GPC2: variants seen among roughly 807,000 people sequenced by gnomAD.
GPC2 encodes the protein glypican-2.
Under a neutral mutation model 57.3 loss-of-function variants are expected in GPC2, and 42 were observed. That is an observed-to-expected ratio of 0.73 (90% CI 0.57 to 0.95). The LOEUF is 0.95. GPC2 is among the 40% of genes least tolerant of loss of function. The pLI is 0.00. For missense variants in GPC2, 745 were observed against 793.6 expected (o/e 0.94, Z 0.74); for synonymous variants, 364 against 343.4 (o/e 1.06, Z -0.66).
chr7:100,174,551 AG>A (rs1183579537), intron 4 of GPC2, 133 bp downstream of exon 4: 1 of 723,958 alleles, frequency 1.4e-6, no homozygotes, highest in East Asian at 2.7e-5. Context: ...AATTCATCCT[AG>A]GACACCAGGG....
chr7:100,176,949 G>T (rs1436169191), intron 1 of GPC2, 85 bp downstream of exon 1: 6 of 1,017,694 alleles, frequency 5.9e-6, no homozygotes, highest in Non-Finnish European at 8.4e-6. Context: ...CGGTCACTCT[G>T]AAAAGGAAGA....
intron 4 of GPC2, 112 bp downstream of exon 4, chr7:100,174,573 G>T: frequency 1.3e-6 from 1 of 793,260 alleles, no homozygotes; most frequent in South Asian, 1.4e-5. Context: ...CCTGGAGGCA[G>T]ACAGAGCCCA....
Position 100,170,063 on chromosome 7 carries a change from A to C in GPC2, c.*167T>G. ...GAAAAAATAAATATTGTGAACACCCACCCACCTCTGATGAAAATCTCCTGG... is the reference window on the plus strand; with the variant it reads ...GAAAAAATAAATATTGTGAACACCCCCCCACCTCTGATGAAAATCTCCTGG... On this transcript the variant is annotated 3_prime_UTR_variant, in exon 10 of 10. Coordinates refer to ENST00000292377, the MANE Select transcript of GPC2 (RefSeq NM_152742.3). 1.8e-6 allele frequency: 1 copy of C among 565,146 alleles called. No individual in the cohort carries two copies. Among genetic ancestry groups the C allele is most frequent in the Non-Finnish European group, 3.0e-6 (1 of 331,468 alleles). 35.0% of individuals were successfully genotyped at this position (565,146 alleles called of 1,614,324 possible). A position where few individuals can be genotyped will look rare whatever the true frequency, so the allele number is the denominator to read the frequency against.
chr7:100,171,710 G>C lies in GPC2; in HGVS notation c.1171-32C>G. 6.8e-7 allele frequency: 1 copy of C among 1,478,738 alleles called. No homozygotes were observed. The highest frequency in any genetic ancestry group is 2.7e-5 in the East Asian group (1 of 36,896). 91.6% of individuals were successfully genotyped at this position (1,478,738 alleles called of 1,614,324 possible). ...GGGCGAGAGGGGGCGGGGCGAGCTG[G>C]AGCGCGACCCCCACAACCATCCCCG... On this transcript the variant is annotated intron_variant, in intron 7 of 9. Transcript: ENST00000292377. This position sits in a 1 kb window ranked among gnomAD's most constrained non-coding sequence, Gnocchi z 4.8.
In GPC2 at chr7:100,171,523, C is replaced by T. The variant is rs1799176846; in HGVS notation, c.1310+16G>A. On this transcript the variant is annotated intron_variant, in intron 8 of 9. Transcript: ENST00000292377. This position sits in a 1 kb window ranked among gnomAD's most constrained non-coding sequence, Gnocchi z 4.8. The stretch of plus-strand genomic sequence containing the variant: ...GGTCCCGCCCCCTGCTGCCCCCCGA[C>T]GCCCCCGAGGCTCACCGGCCCCGCC... The T allele has an allele frequency of 7.3e-7, 1 of 1,366,294 alleles. No individual in the cohort carries two copies. The highest frequency in any genetic ancestry group is 9.4e-7 in the Non-Finnish European group (1 of 1,067,618). The allele number at this position is 1,366,294 out of a possible 1,614,324, so 84.6% of individuals were successfully genotyped here. A position where few individuals can be genotyped will look rare whatever the true frequency, so the allele number is the denominator to read the frequency against.
At chr7:100,176,156 T>C in intron 2 of GPC2, 51 bp downstream of exon 2, 1 of 1,522,978 alleles carries the variant, frequency 6.6e-7, no homozygotes, top group Non-Finnish European at 8.9e-7. Context: ...GCTGGGGTCC[T>C]AAGCACCGAG....
At position 100,177,099 on chromosome 7, in the gene GPC2, T is replaced by G; in HGVS notation, c.101A>C (p.Glu34Ala). The change falls in exon 1 of 10, where the codon GAG becomes GCG. Residue 34 changes from glutamate to alanine, a missense_variant. Around this residue, in one of 2 missense-constraint regions of GPC2, gnomAD observed 138 missense variants for 189.8 expected, o/e 0.73. Coordinates refer to ENST00000292377, the MANE Select transcript of GPC2 (RefSeq NM_152742.3). ...SEAKVTRSCA[E>A]TRQVLGARGY... is the part of the protein sequence containing the mutation. ...CCGGGCCCCCAGCACCTGCCGGGTC[T>G]CTGCACAACTCCGGGTGACCTTTGC... 4 of 1,611,776 alleles carry G rather than the reference T, an allele frequency of 2.5e-6. No individual in the cohort carries two copies. Among genetic ancestry groups the G allele is most frequent in the Non-Finnish European group, 3.4e-6 (4 of 1,179,076 alleles).
At chr7:100,173,773 A>G in intron 5 of GPC2, 62 bp downstream of exon 5, 1 of 1,342,674 alleles carries the variant, frequency 7.4e-7, no homozygotes, top group Non-Finnish European at 9.9e-7. Context: ...AGCCTCTCAA[A>G]GTGCTGTGAT....
intron 1 of GPC2, among the ~76,000 whole-genome samples, chr7:100,176,832 G>A (rs577690785): frequency 1.3e-5 from 2 of 152,274 alleles, no homozygotes; most frequent in East Asian, 3.9e-4. Flanking sequence ...CCTGGGGTGG[G>A]GATGGAGTAA....
intron 6 of GPC2, 52 bp downstream of exon 6, chr7:100,172,035 A>AC: frequency 6.3e-7 from 1 of 1,585,096 alleles, no homozygotes; most frequent in Non-Finnish European, 8.6e-7. Flanking sequence ...CCTCTCTGAC[A>AC]CCCACACCGT....
chr7:100,174,496 T>C, intron 4 of GPC2, 189 bp downstream of exon 4: 1 of 681,156 alleles, frequency 1.5e-6, no homozygotes, highest in South Asian at 1.5e-5. Context: ...TCAGAGATCA[T>C]GGATCGTGGA....
chr7:100,170,306 C>T lies in GPC2; in HGVS notation c.1664G>A (p.Gly555Glu), dbSNP rs1048208880. 8 of 1,608,448 alleles carry T rather than the reference C, an allele frequency of 5.0e-6. No homozygotes were observed. The African/African-American group carries it at 6.7e-5, about 13-fold the overall frequency. ...RYNQGRSRSG[G>E]ASIGFHTQTI... is the part of the protein sequence containing the mutation. ...TTGGGTGTGAAAACCAATAGATGCC[C>T]CCCCACTCCTGCTCCGGCCCTGGTT... Residue 555 changes from glycine (G) to glutamate (E), a missense_variant, in exon 10 of 10, where the codon GGG becomes GAG. Physicochemically the swap from Gly to Glu is moderately conservative, Grantham distance 98. This residue lies in a region of GPC2 where 607 missense variants were observed against 603.9 expected (regional missense o/e 1.01). Transcript: ENST00000292377.
chr7:100,173,848 C>T lies in GPC2; in HGVS notation c.879G>A (p.Trp293Ter). Residue 293 changes from tryptophan to a stop codon, truncating the protein, a stop_gained, in exon 5 of 10, where the codon TGG becomes TGA. Transcript: ENST00000292377. LOFTEE classifies it high-confidence loss of function. ...CLSSRGLEPDWGNYLDGLLIL... is the reference protein window; with the variant it reads ...CLSSRGLEPD ...GAATCCCCTCACCCAGATAGTTGCC[C>T]CAGTCAGGCTCCAGTCCCCTGCTGC... is the stretch of plus-strand genomic sequence containing the variant. 1 of 1,569,064 alleles carries T rather than the reference C, an allele frequency of 6.4e-7. No homozygotes were observed. The highest frequency in any genetic ancestry group is 8.6e-7 in the Non-Finnish European group (1 of 1,158,146).
In GPC2 at chr7:100,171,431, A is replaced by G; in HGVS notation, c.1316T>C (p.Leu439Ser). The G allele has an allele frequency of 6.9e-7, 1 of 1,453,374 alleles. No individual in the cohort carries two copies. Among genetic ancestry groups the G allele is most frequent in the African/African-American group, 1.5e-5 (1 of 67,392 alleles). The allele number at this position is 1,453,374 out of a possible 1,614,324, so 90.0% of individuals were successfully genotyped here. A position where few individuals can be genotyped will look rare whatever the true frequency, so the allele number is the denominator to read the frequency against. The change falls in exon 9 of 10, where the codon TTG becomes TCG. Residue 439 changes from leucine to serine, a missense_variant. Leu to Ser is a moderately radical substitution (Grantham distance 145). Transcript: ENST00000292377. This position sits in a 1 kb window ranked among gnomAD's most constrained non-coding sequence, Gnocchi z 4.8. ...CWTGAGRGRY[L>S]PPVVGGSPAE... ...CGGGGAGCCCCCGACCACTGGCGGC[A>G]AGTACCTGCGAGCAGAGCAGCCCCG...
At chr7:100,172,257 G>C (rs1022751879) in intron 5 of GPC2, 40 bp from the exon 6 acceptor site, 11 of 1,605,820 alleles carry the variant, frequency 6.9e-6, no homozygotes, top group South Asian at 4.4e-5. Context: ...GGGATGAGTG[G>C]TGATACTGAA....
intron 3 of GPC2, among the ~76,000 whole-genome samples, chr7:100,175,016 T>C (rs1799243000): frequency 6.6e-6 from 1 of 151,960 alleles, no homozygotes; most frequent in African/African-American, 2.4e-5. Context: ...GAGAGAGAAA[T>C]TGTGTATCGG....
At chr7:100,172,046 C>T (rs762438829) in intron 6 of GPC2, 41 bp downstream of exon 6, 14 of 1,611,056 alleles carry the variant, frequency 8.7e-6, no homozygotes, top group African/African-American at 2.7e-5. Context: ...CCCACACCGT[C>T]CCCGCCCCGG....
Position 100,170,290 on chromosome 7 carries a change from A to T in GPC2, c.1680T>A (p.Phe560Leu). Residue 560 changes from phenylalanine to leucine, a missense_variant, in exon 10 of 10, where the codon TTT becomes TTA. Coordinates refer to ENST00000292377, the MANE Select transcript of GPC2 (RefSeq NM_152742.3). The part of the protein sequence containing the change: ...RSRSGGASIG[F>L]HTQTILILSL... ...AGAGAATGAGGATGGTTTGGGTGTG[A>T]AAACCAATAGATGCCCCCCCACTCC... 1 of 1,600,808 alleles carries T rather than the reference A, an allele frequency of 6.2e-7. No individual in the cohort carries two copies. Among genetic ancestry groups the T allele is most frequent in the South Asian group, 1.1e-5 (1 of 88,520 alleles).
At chr7:100,174,465 T>A (rs992810795) in intron 4 of GPC2, 40 of 642,794 alleles carry the variant, frequency 6.2e-5, no homozygotes, top group Non-Finnish European at 1.1e-4. Flanking sequence ...AGGGTATGGG[T>A]CCACAGAGGG....
Sources: gnomAD v4.1 joint callset for allele counts (sites outside exome capture counted in the v4.1 genomes callset) on GRCh38, gnomAD v4.1.1 for gene constraint, gnomAD v4.1.1 regional missense constraint, Gnocchi (gnomAD v3.1) non-coding constraint, MANE v1.5 for transcripts, NCBI Gene and HGNC (gene_info 2026-07-23, HGNC 2026-07-21) for gene names.